CMTM7: variants seen among roughly 807,000 people sequenced by gnomAD.
The protein encoded by CMTM7 is CKLF-like MARVEL transmembrane domain-containing protein 7.
CMTM7 carries 7 observed loss-of-function variants against 19.3 expected under a neutral mutation model. The ratio of observed to expected loss-of-function variants is 0.36; its 90% CI spans 0.21 to 0.68. CMTM7 has a LOEUF of 0.68. Ranked by LOEUF, CMTM7 falls within the 30% of genes least tolerant of loss-of-function variation. The probability of loss-of-function intolerance (pLI) is 0.60; values close to 1 mark genes in which losing one functional copy is unlikely to be tolerated. For missense variants in CMTM7, 193 were observed against 232.6 expected (o/e 0.83, Z 1.11); for synonymous variants, 87 against 99.3 (o/e 0.88, Z 0.74).
intron 1 of CMTM7, among the ~76,000 whole-genome samples, chr3:32,417,397 T>A (rs1002465118): frequency 6.6e-6 from 1 of 152,278 alleles, no homozygotes. Context: ...ATCACTTGGA[T>A]AATAAAAATA....
chr3:32,452,763 T>C (rs1696855592), intron 4 of CMTM7, among the ~76,000 whole-genome samples: 1 of 151,422 alleles, frequency 6.6e-6, no homozygotes, highest in African/African-American at 2.4e-5. Flanking sequence ...TTTTCTTTTT[T>C]TTTTTTTGAG....
At chr3:32,431,737 C>T (rs1046924824) in intron 1 of CMTM7, among the ~76,000 whole-genome samples, 2 of 152,196 alleles carry the variant, frequency 1.3e-5, no homozygotes, top group Admixed American at 1.3e-4. Context: ...CTTAACCTGG[C>T]TGTGTGACTT....
intron 1 of CMTM7, among the ~76,000 whole-genome samples, chr3:32,428,047 G>T (rs1696459822): frequency 6.6e-6 from 1 of 152,238 alleles, no homozygotes; most frequent in South Asian, 2.1e-4. Flanking sequence ...AAGGTCTGAG[G>T]CCCATGAAGT....
At chr3:32,431,407 A>C (rs1696516695) in intron 1 of CMTM7, among the ~76,000 whole-genome samples, 1 of 151,386 alleles carries the variant, frequency 6.6e-6, no homozygotes, top group South Asian at 2.1e-4. Context: ...TTGGAGTAAC[A>C]CTTTTTTTTT....
chr3:32,396,453 G>A (rs1021383128), intron 1 of CMTM7, among the ~76,000 whole-genome samples: 1 of 152,194 alleles, frequency 6.6e-6, no homozygotes, highest in Admixed American at 6.5e-5. Flanking sequence ...GTTGCAGTGA[G>A]CTGAGATTGC....
chr3:32,442,042 G>A (rs201703800), intron 2 of CMTM7, 29 bp downstream of exon 2: 66 of 1,603,438 alleles, frequency 4.1e-5, no homozygotes, highest in East Asian at 2.2e-4. Flanking sequence ...CCTGTCCTCC[G>A]CATGCACAAG....
intron 1 of CMTM7, among the ~76,000 whole-genome samples, chr3:32,429,749 C>T (rs962692643): frequency 5.9e-5 from 9 of 151,880 alleles, no homozygotes; most frequent in African/African-American, 1.5e-4. Flanking sequence ...TACAGGCGCC[C>T]GCCACCACAC....
chr3:32,446,699 C>G, intron 2 of CMTM7, among the ~76,000 whole-genome samples: 1 of 152,102 alleles, frequency 6.6e-6, no homozygotes, highest in South Asian at 2.1e-4. Flanking sequence ...TGGTGCTGTT[C>G]TAGTGGTAAT....
chr3:32,442,590 G>GA (rs1186162858), intron 2 of CMTM7, among the ~76,000 whole-genome samples: 1 of 151,434 alleles, frequency 6.6e-6, no homozygotes, highest in African/African-American at 2.4e-5. Context: ...GGCTGTGTGT[G>GA]TATGAGTTGG....
intron 2 of CMTM7, 113 bp downstream of exon 2, chr3:32,442,126 T>A: frequency 1.1e-6 from 1 of 950,870 alleles, no homozygotes; most frequent in Non-Finnish European, 1.6e-6. Context: ...TTAACCATTC[T>A]TTGCTGCCTC....
intron 1 of CMTM7, among the ~76,000 whole-genome samples, chr3:32,421,329 G>A (rs1222195216): frequency 1.3e-5 from 2 of 151,938 alleles, no homozygotes; most frequent in African/African-American, 4.8e-5. Flanking sequence ...ACCCCATCCC[G>A]CCAGCTTTGC....
chr3:32,392,603 A>G lies in CMTM7; in HGVS notation c.159+538A>G, dbSNP rs144184877. 1.3e-4 allele frequency among the ~76,000 whole-genome samples: 20 copies of G among 152,312 alleles called. No homozygotes were observed. In the East Asian group the frequency reaches 3.9e-3, roughly 29 times the overall value. Reference sequence around the variant, plus strand: ...AGGGTCTTGTGTTCCATAGTGGGGAAAAAGAACTGGGACCGTTGAGACGGC... The same window carrying G: ...AGGGTCTTGTGTTCCATAGTGGGGAGAAAGAACTGGGACCGTTGAGACGGC... On this transcript the variant is annotated intron_variant, in intron 1 of 4. Coordinates refer to ENST00000334983, the MANE Select transcript of CMTM7 (RefSeq NM_138410.4).
Position 32,441,938 on chromosome 3 carries a change from A to G in CMTM7, c.258A>G (p.Ile86Met), listed in dbSNP as rs747217676. ...YFEVVTICDL[I>M]MILAFYLVHL... ...AAGTGGTCACCATTTGCGACTTGAT[A>G]ATGATCCTCGCCTTTTACCTGGTCC... The change falls in exon 2 of 5, where the codon ATA becomes ATG. Residue 86 changes from isoleucine to methionine, a missense_variant. Transcript: ENST00000334983. The G allele has an allele frequency of 1.9e-6, 3 of 1,614,130 alleles. No homozygotes were observed. Among genetic ancestry groups the G allele is most frequent in the Non-Finnish European group, 2.5e-6 (3 of 1,180,016 alleles).
chr3:32,415,561 A>G (rs1696248038), intron 1 of CMTM7, among the ~76,000 whole-genome samples: 4 of 152,258 alleles, frequency 2.6e-5, no homozygotes. Flanking sequence ...AATCTTGGGT[A>G]CATCACCTGC....
At chr3:32,439,670 C>T (rs1696647563) in intron 1 of CMTM7, among the ~76,000 whole-genome samples, 1 of 152,188 alleles carries the variant, frequency 6.6e-6, no homozygotes, top group African/African-American at 2.4e-5. Flanking sequence ...CCAGGCTGGT[C>T]TCAAACTCCT....
At chr3:32,427,586 C>T (rs1182180072) in intron 1 of CMTM7, among the ~76,000 whole-genome samples, 1 of 152,188 alleles carries the variant, frequency 6.6e-6, no homozygotes, top group East Asian at 1.9e-4. Context: ...GTTCTTTGGT[C>T]ACACTAGCCC....
chr3:32,418,209 G>A (rs889552434), intron 1 of CMTM7, among the ~76,000 whole-genome samples: 1 of 152,078 alleles, frequency 6.6e-6, no homozygotes, highest in African/African-American at 2.4e-5. Flanking sequence ...TAGCCTCTTT[G>A]GTGAAGTATC....
chr3:32,411,268 T>C (rs912238652), intron 1 of CMTM7, among the ~76,000 whole-genome samples: 7 of 152,260 alleles, frequency 4.6e-5, no homozygotes, highest in Non-Finnish European at 1.0e-4. Context: ...ATCTCTCTTA[T>C]CGTTCAGGAT....
intron 2 of CMTM7, among the ~76,000 whole-genome samples, chr3:32,442,417 G>A (rs1267394821): frequency 6.7e-6 from 1 of 149,064 alleles, no homozygotes; most frequent in East Asian, 2.0e-4. Flanking sequence ...GGAGAATGGC[G>A]TGAACCCGGG....
Sources: gnomAD v4.1 joint callset for allele counts (sites outside exome capture counted in the v4.1 genomes callset) on GRCh38, gnomAD v4.1.1 for gene constraint, MANE v1.5 for transcripts, NCBI Gene and HGNC (gene_info 2026-07-23, HGNC 2026-07-21) for gene names.